RAI14: variants seen among roughly 807,000 people sequenced by gnomAD.
RAI14 encodes the protein retinoic acid induced 14.
Under a neutral mutation model 115.4 loss-of-function variants are expected in RAI14, and 45 were observed. The observed-to-expected ratio is 0.39, with a 90% confidence interval of 0.31 to 0.50. The LOEUF (loss-of-function observed/expected upper bound fraction) is 0.50, where lower values mean the gene tolerates loss of function less well. Among genes scored for constraint, RAI14 ranks in the 20% least tolerant of loss-of-function variants. The probability of loss-of-function intolerance (pLI) is 0.85; values close to 1 mark genes in which losing one functional copy is unlikely to be tolerated. For missense variants in RAI14, 939 were observed against 1,131.2 expected (o/e 0.83, Z 2.44); for synonymous variants, 371 against 415.4 (o/e 0.89, Z 1.30).
intron 2 of RAI14, among the ~76,000 whole-genome samples, chr5:34,703,120 T>C (rs1740283640): frequency 6.6e-6 from 1 of 152,316 alleles, no homozygotes; most frequent in South Asian, 2.1e-4. Context: ...AGGAAAGTTT[T>C]AGAGTCATTA....
At chr5:34,780,721 C>T (rs1279384754) in intron 3 of RAI14, among the ~76,000 whole-genome samples, 1 of 152,136 alleles carries the variant, frequency 6.6e-6, no homozygotes, top group Non-Finnish European at 1.5e-5. Flanking sequence ...AGTCAGGAAA[C>T]AGGTGCTGGA....
intron 4 of RAI14, among the ~76,000 whole-genome samples, chr5:34,801,735 CT>C (rs1233201440): frequency 3.4e-5 from 4 of 118,624 alleles, no homozygotes; most frequent in Non-Finnish European, 5.7e-5. Flanking sequence ...ATAAGACTTT[CT>C]AAAAAAAAAA....
intron 2 of RAI14, among the ~76,000 whole-genome samples, chr5:34,723,567 G>C (rs1743072457): frequency 6.6e-6 from 1 of 152,148 alleles, no homozygotes; most frequent in Non-Finnish European, 1.5e-5. Flanking sequence ...ACTGGTGTTT[G>C]ACCAAATAAC....
Position 34,779,774 on chromosome 5 carries a change from C to T in RAI14, c.168-16165C>T, listed in dbSNP as rs140947733. Among the ~76,000 whole-genome samples, 1,255 of 152,204 alleles carry T rather than the reference C, an allele frequency of 8.2e-3. 20 individuals are homozygous for T. Among genetic ancestry groups the T allele is most frequent in the African/African-American group, 0.028 (1,176 of 41,538 alleles). ...GCTGGTGGATAGGAAGAATCAATAT[C>T]GTGAAAATGGCCATACTGCCCAAGG... On this transcript the variant is annotated intron_variant, in intron 3 of 17. Transcript: ENST00000265109.
intron 1 of RAI14, among the ~76,000 whole-genome samples, chr5:34,669,568 G>A (rs543122680): frequency 3.3e-5 from 5 of 152,210 alleles, no homozygotes; most frequent in Non-Finnish European, 1.5e-5. Flanking sequence ...CAGGCCGCTG[G>A]CTGTGGGCGC....
chr5:34,807,759 G>C (rs780731617), intron 5 of RAI14, 41 bp from the exon 6 acceptor site: 1 of 1,434,238 alleles, frequency 7.0e-7, no homozygotes, highest in Non-Finnish European at 9.8e-7. Flanking sequence ...AATTGGGGCA[G>C]GGTATTTTAT....
At chr5:34,666,637 ACGTCCTCAAGCC>A (rs1468797447) in intron 1 of RAI14, among the ~76,000 whole-genome samples, 1 of 152,178 alleles carries the variant, frequency 6.6e-6, no homozygotes, top group African/African-American at 2.4e-5. Context: ...ACCTTGGGTG[ACGTCCTCAAGCC>A]ATTTCAGTCA....
intron 2 of RAI14, among the ~76,000 whole-genome samples, chr5:34,738,199 G>A (rs2150040125): frequency 6.6e-6 from 1 of 152,144 alleles, no homozygotes; most frequent in East Asian, 1.9e-4. Context: ...TGAGGCAGGT[G>A]GATTGCTTGA....
At chr5:34,698,589 G>A (rs866821559) in intron 2 of RAI14, among the ~76,000 whole-genome samples, 2 of 152,094 alleles carry the variant, frequency 1.3e-5, no homozygotes, top group Admixed American at 6.5e-5. Context: ...GAGCCATCAC[G>A]ATTGGGTAGG....
At chr5:34,767,830 G>A (rs1749616817) in intron 3 of RAI14, among the ~76,000 whole-genome samples, 3 of 151,764 alleles carry the variant, frequency 2.0e-5, no homozygotes, top group Admixed American at 1.3e-4. Flanking sequence ...TTCCTACTAA[G>A]AAAGGAATTG....
At chr5:34,721,870 C>A (rs1337501096) in intron 2 of RAI14, among the ~76,000 whole-genome samples, 1 of 151,954 alleles carries the variant, frequency 6.6e-6, no homozygotes, top group East Asian at 1.9e-4. Context: ...GCCACCACGC[C>A]CAGCTGTTTT....
chr5:34,681,187 T>G lies in RAI14; in HGVS notation c.-48-5685T>G, dbSNP rs577940838. Among the ~76,000 whole-genome samples, 7 of 152,356 alleles carry G rather than the reference T, an allele frequency of 4.6e-5. No individual in the cohort carries two copies. The East Asian group carries it at 1.4e-3, about 29-fold the overall frequency. On this transcript the variant is annotated intron_variant, in intron 1 of 17. Transcript: ENST00000265109. ...GACCTTTGACAGAATGTATTTGTTT[T>G]GCTGGATTGAGAGAATTGAATGTTT...
intron 1 of RAI14, among the ~76,000 whole-genome samples, chr5:34,678,494 A>C (rs113154054): frequency 1.2e-4 from 19 of 152,280 alleles, no homozygotes; most frequent in African/African-American, 4.6e-4. Context: ...GGTGGACTCT[A>C]ATCCAGTATG....
intron 2 of RAI14, among the ~76,000 whole-genome samples, chr5:34,741,939 C>T (rs771254086): frequency 6.6e-6 from 1 of 152,024 alleles, no homozygotes; most frequent in Non-Finnish European, 1.5e-5. Flanking sequence ...GTCATTGTGC[C>T]CCAGGAGCTT....
intron 2 of RAI14, among the ~76,000 whole-genome samples, chr5:34,719,766 G>GAACT (rs1240487438): frequency 6.6e-6 from 1 of 152,176 alleles, no homozygotes; most frequent in Non-Finnish European, 1.5e-5. Flanking sequence ...GTCAGTAACT[G>GAACT]AACTCTGCGC....
chr5:34,805,096 T>G (rs1287529257), intron 5 of RAI14, among the ~76,000 whole-genome samples: 2 of 152,242 alleles, frequency 1.3e-5, no homozygotes, highest in African/African-American at 4.8e-5. Context: ...TTCCTTGTGC[T>G]GCTTTAAAAT....
intron 4 of RAI14, among the ~76,000 whole-genome samples, chr5:34,803,166 C>T (rs1235258285): frequency 6.6e-6 from 1 of 152,186 alleles, no homozygotes; most frequent in African/African-American, 2.4e-5. Context: ...TGCTTTTCAC[C>T]CCAAGACAAC....
At chr5:34,807,747 A>G in intron 5 of RAI14, 53 bp from the exon 6 acceptor site, 1 of 1,344,022 alleles carries the variant, frequency 7.4e-7, no homozygotes, top group Non-Finnish European at 1.1e-6. Context: ...TGAACTGAAT[A>G]GAATTGGGGC....
chr5:34,822,567 T>C (rs537180488), intron 14 of RAI14, among the ~76,000 whole-genome samples: 9 of 149,830 alleles, frequency 6.0e-5, no homozygotes, highest in African/African-American at 2.2e-4. Flanking sequence ...GGCATGAGAA[T>C]ACACAGGCAA....
Sources: gnomAD v4.1 joint callset for allele counts (sites outside exome capture counted in the v4.1 genomes callset) on GRCh38, gnomAD v4.1.1 for gene constraint, MANE v1.5 for transcripts, NCBI Gene and HGNC (gene_info 2026-07-23, HGNC 2026-07-21) for gene names.